EPHX1: variants seen among roughly 807,000 people sequenced by gnomAD.
EPHX1 encodes the protein epoxide hydrolase 1, also known as epoxide hydratase.
In EPHX1, 40 loss-of-function variants were observed where a neutral mutation model predicts 43.2. The ratio of observed to expected loss-of-function variants is 0.93; its 90% CI spans 0.72 to 1.21. The LOEUF (loss-of-function observed/expected upper bound fraction) is 1.21, where lower values mean the gene tolerates loss of function less well. Ranked by LOEUF, EPHX1 falls within the 50% of genes most tolerant of loss-of-function variation. The pLI is 0.00. For missense variants in EPHX1, 550 were observed against 570.4 expected (o/e 0.96, Z 0.36); for synonymous variants, 221 against 226.7 (o/e 0.98, Z 0.22).
At position 225,845,334 on chromosome 1, in the gene EPHX1, T is replaced by A. The variant is rs45563137; in HGVS notation, c.1355T>A (p.Leu452Gln). The stretch of plus-strand genomic sequence containing the variant: ...GACATCCGCAAGTTCCTGTCGGTGC[T>A]GGAGCGGCAATGACCCACCCCTCTC... ...AQDIRKFLSV[L>Q]ERQ Residue 452 changes from leucine to glutamine, a missense_variant, in exon 9 of 9, where the codon CTG (leucine) becomes CAG (glutamine). Physicochemically the swap from Leu to Gln is moderately radical, Grantham distance 113 (BLOSUM62 -2). Coordinates refer to ENST00000272167, the MANE Select transcript of EPHX1 (RefSeq NM_001136018.4). The A allele has an allele frequency of 3.0e-3, 4,832 of 1,610,504 alleles. 15 individuals carry two copies. Among genetic ancestry groups the A allele is most frequent in the Non-Finnish European group, 3.9e-3 (4,580 of 1,179,808 alleles).
intron 3 of EPHX1, 116 bp downstream of exon 3, chr1:225,832,075 C>G: frequency 3.8e-6 from 4 of 1,042,378 alleles, no homozygotes. Context: ...TTATAGGTGA[C>G]TGAGATGTAC....
chr1:225,836,870 C>T (rs950352990), intron 3 of EPHX1, among the ~76,000 whole-genome samples: 1 of 152,200 alleles, frequency 6.6e-6, no homozygotes, highest in Admixed American at 6.5e-5. Context: ...GGCTGTACAG[C>T]AGAGCGCCGT....
chr1:225,818,223 CTCAT>C (rs1380823901), intron 1 of EPHX1, among the ~76,000 whole-genome samples: 1 of 152,180 alleles, frequency 6.6e-6, no homozygotes, highest in Admixed American at 6.5e-5. Context: ...TTTCTATGCT[CTCAT>C]TCAAAGAATT....
intron 1 of EPHX1, among the ~76,000 whole-genome samples, chr1:225,818,900 G>A (rs906841721): frequency 1.4e-5 from 2 of 144,460 alleles, no homozygotes; most frequent in African/African-American, 5.1e-5. Flanking sequence ...ACCAGCCTGG[G>A]CAATATAGTG....
intron 8 of EPHX1, 78 bp from the exon 9 acceptor site, chr1:225,845,068 C>T (rs967715926): frequency 4.3e-5 from 64 of 1,484,900 alleles, no homozygotes; most frequent in South Asian, 1.4e-4. Flanking sequence ...CACCCCCAGG[C>T]GCTTTAACCC....
intron 3 of EPHX1, chr1:225,832,170 A>C: frequency 1.7e-6 from 1 of 597,002 alleles, no homozygotes; most frequent in Non-Finnish European, 3.0e-6. Context: ...GAACACATAC[A>C]TGCAATTTAA....
chr1:225,812,691 T>C lies in EPHX1; in HGVS notation c.-6+2522T>C, dbSNP rs539760972. The stretch of plus-strand genomic sequence containing the variant: ...TGAAAGCAGGGGCTACCGAGATTCA[T>C]TTCTCAGTTCTTACGCCAAGAGGTT... On this transcript the variant is annotated intron_variant, in intron 1 of 8. Coordinates refer to ENST00000272167, the MANE Select transcript of EPHX1 (RefSeq NM_001136018.4). Among the ~76,000 whole-genome samples, 51 of 152,324 alleles carry C rather than the reference T, an allele frequency of 3.3e-4. 1 individual carries two copies. In the South Asian group the frequency reaches 0.01, roughly 31 times the overall value.
At chr1:225,842,276 C>T (rs554935907) in intron 6 of EPHX1, 90 bp from the exon 7 acceptor site, 4 of 996,596 alleles carry the variant, frequency 4.0e-6, no homozygotes, top group African/African-American at 3.2e-5. Flanking sequence ...CAGCCCCGCC[C>T]TCTGCGGCCA....
rs1295834261 is a variant in EPHX1, at chr1:225,838,708, C to A, written c.419C>A (p.Thr140Asn). 1.9e-6 allele frequency: 3 copies of A among 1,614,036 alleles called. No homozygotes were observed. Among genetic ancestry groups the A allele is most frequent in the Non-Finnish European group, 2.5e-6 (3 of 1,180,014 alleles). ...VKPPQLPAGH[T>N]PKPLLMVHGW... ...CCCCCCCAGCTGCCCGCAGGCCATA[C>A]CCCGAAGCCCTTGCTGATGGTGCAC... The change falls in exon 4 of 9, where the codon ACC (threonine) becomes AAC (asparagine). Residue 140 changes from threonine (T) to asparagine (N), a missense_variant. Coordinates refer to ENST00000272167, the MANE Select transcript of EPHX1 (RefSeq NM_001136018.4).
rs1668253832 is a variant in EPHX1, at chr1:225,839,902, C to T, written c.796C>T (p.Gln266Ter). The T allele has an allele frequency of 2.5e-6, 4 of 1,614,258 alleles. No individual in the cohort carries two copies. The highest frequency in any genetic ancestry group is 3.4e-6 in the Non-Finnish European group (4 of 1,180,038). Reference sequence around the variant, plus strand: ...CTCTACCCTGACCCTCCTCCTGGGACAGCGTTTCGGGAGGTTTCTTGGCCT... The same window carrying T: ...CTCTACCCTGACCCTCCTCCTGGGATAGCGTTTCGGGAGGTTTCTTGGCCT... Reference protein sequence around the residue: ...NFSTLTLLLGQRFGRFLGLTE... With the variant: ...NFSTLTLLLG Residue 266 changes from glutamine to a stop codon, truncating the protein, a stop_gained, in exon 6 of 9, where the codon CAG becomes TAG. Transcript: ENST00000272167. LOFTEE classifies it high-confidence loss of function.
intron 4 of EPHX1, 145 bp downstream of exon 4, chr1:225,839,026 G>A (rs1187968915): frequency 1.5e-6 from 2 of 1,323,322 alleles, no homozygotes; most frequent in African/African-American, 2.9e-5. Context: ...GCCGGCCCCA[G>A]ACACACCGCC....
intron 5 of EPHX1, 145 bp from the exon 6 acceptor site, chr1:225,839,684 A>G (rs1576029595): frequency 1.0e-6 from 1 of 970,594 alleles, no homozygotes; most frequent in East Asian, 2.4e-5. Context: ...TCCAACTCCC[A>G]TGGCCTCCCC....
chr1:225,835,070 T>C (rs1667876834), intron 3 of EPHX1, among the ~76,000 whole-genome samples: 1 of 152,022 alleles, frequency 6.6e-6, no homozygotes, highest in Admixed American at 6.6e-5. Flanking sequence ...TAAGCTGAAA[T>C]GAGTGGGACT....
Position 225,838,682 on chromosome 1 carries a change from GC to G in EPHX1, c.400del (p.Gln134SerfsTer12), listed in dbSNP as rs756407271. Reference sequence around the variant, plus strand: ...TGGACATCCACTTCATCCACGTGAAGCCCCCCCAGCTGCCCGCAGGCCATAC... The same window carrying G: ...TGGACATCCACTTCATCCACGTGAAGCCCCCCAGCTGCCCGCAGGCCATAC... ...GLDIHFIHVK[P>X]PQLPAGHTPK... On this transcript the variant is annotated frameshift_variant, in exon 4 of 9. Transcript: ENST00000272167. LOFTEE classifies it high-confidence loss of function. 6.2e-6 allele frequency: 10 copies of G among 1,613,742 alleles called. No homozygotes were observed. The highest frequency in any genetic ancestry group is 1.7e-4 in the Middle Eastern group (1 of 6,058).
Position 225,844,712 on chromosome 1 carries a change from T to C in EPHX1, c.1166+89T>C, listed in dbSNP as rs1470922281. 3.8e-6 allele frequency: 6 copies of C among 1,575,724 alleles called. No individual in the cohort carries two copies. In the East Asian group the frequency reaches 1.4e-4, roughly 36 times the overall value. On this transcript the variant is annotated intron_variant, in intron 8 of 8. Transcript: ENST00000272167. The stretch of plus-strand genomic sequence containing the variant: ...GGGCTCCACGAAGGGCACTTGGTGG[T>C]GGGATAAGTATAGCCTTGCCTGCAG...
intron 1 of EPHX1, among the ~76,000 whole-genome samples, chr1:225,828,059 G>T (rs1437030473): frequency 6.6e-6 from 1 of 152,148 alleles, no homozygotes; most frequent in Non-Finnish European, 1.5e-5. Flanking sequence ...CAAAAAACAT[G>T]AGGCTGTCGG....
intron 3 of EPHX1, among the ~76,000 whole-genome samples, chr1:225,833,659 G>A (rs1253082956): frequency 6.6e-6 from 1 of 152,014 alleles, no homozygotes; most frequent in East Asian, 1.9e-4. Flanking sequence ...GCCAGGTGTG[G>A]TGGCGGGTGC....
intron 1 of EPHX1, among the ~76,000 whole-genome samples, chr1:225,824,423 C>T (rs1406344387): frequency 1.3e-5 from 2 of 152,202 alleles, no homozygotes; most frequent in African/African-American, 4.8e-5. Context: ...GGCTAAGCCC[C>T]TTGCCTACTC....
intron 1 of EPHX1, among the ~76,000 whole-genome samples, chr1:225,826,214 A>G (rs1667225017): frequency 6.6e-6 from 1 of 152,050 alleles, no homozygotes; most frequent in Admixed American, 6.6e-5. Context: ...CTCTAATCTC[A>G]TCACTTTGGA....
Sources: allele counts gnomAD v4.1 joint callset (sites outside exome capture counted in the v4.1 genomes callset), GRCh38; gene constraint gnomAD v4.1.1; transcripts MANE v1.5; gene names NCBI Gene and HGNC (gene_info 2026-07-23, HGNC 2026-07-21).